The following PLCB4 variants were observed in gnomAD, a reference collection of about 807,000 sequenced individuals.
The protein encoded by PLCB4 is phospholipase C beta 4, also known as 1-phosphatidylinositol 4,5-bisphosphate phosphodiesterase beta-4.
In PLCB4, 77 loss-of-function variants were observed where a neutral mutation model predicts 178.8. The ratio of observed to expected loss-of-function variants is 0.43; its 90% CI spans 0.36 to 0.52. The LOEUF (loss-of-function observed/expected upper bound fraction) is 0.52. Among genes scored for constraint, PLCB4 ranks in the 20% least tolerant of loss-of-function variants. The probability of loss-of-function intolerance (pLI) is 0.00; values close to 1 mark genes in which losing one functional copy is unlikely to be tolerated. For synonymous variants in PLCB4, 496 were observed against 490.8 expected (o/e 1.01, Z -0.14); for missense variants, 1,024 against 1,453.4 (o/e 0.70, Z 4.80).
At chr20:9,458,494 A>T (rs1313757189) in intron 34 of PLCB4, among the ~76,000 whole-genome samples, 1 of 152,224 alleles carries the variant, frequency 6.6e-6, no homozygotes, top group Non-Finnish European at 1.5e-5. Context: ...ACTACAGTTT[A>T]TTAGGTCACA....
At chr20:9,152,857 G>A (rs2092714457) in intron 2 of PLCB4, among the ~76,000 whole-genome samples, 1 of 152,102 alleles carries the variant, frequency 6.6e-6, no homozygotes, top group Admixed American at 6.5e-5. Flanking sequence ...ATCTGGGAGG[G>A]AGGCTGTACC....
intron 13 of PLCB4, 24 bp downstream of exon 13, chr20:9,380,186 TAA>T (rs11360322): frequency 3.6e-5 from 34 of 953,126 alleles, no homozygotes; most frequent in Admixed American, 1.6e-4. Context: ...AAAAAGGACT[TAA>T]AAAAAAAAAC....
At chr20:9,421,645 G>A (rs2040645741) in intron 27 of PLCB4, among the ~76,000 whole-genome samples, 184 bp downstream of exon 27, 1 of 152,104 alleles carries the variant, frequency 6.6e-6, no homozygotes, top group Admixed American at 6.5e-5. Context: ...CCTCCTTTTG[G>A]TTCTCCTCTC....
chr20:9,375,288 T>G (rs1212434836), intron 12 of PLCB4, among the ~76,000 whole-genome samples: 1 of 152,058 alleles, frequency 6.6e-6, no homozygotes, highest in Non-Finnish European at 1.5e-5. Flanking sequence ...CAGAACAACT[T>G]CAATACTCAT....
At chr20:9,434,144 G>A (rs1022444628) in intron 28 of PLCB4, among the ~76,000 whole-genome samples, 1 of 152,130 alleles carries the variant, frequency 6.6e-6, no homozygotes, top group Non-Finnish European at 1.5e-5. Flanking sequence ...TATAATTAAT[G>A]TATTAGAGCT....
Position 9,321,781 on chromosome 20 carries a change from G to T in PLCB4, c.84+13883G>T, listed in dbSNP as rs141153131. 3.2e-4 allele frequency among the ~76,000 whole-genome samples: 48 copies of T among 151,396 alleles called. No individual in the cohort carries two copies. The East Asian group carries it at 6.8e-3, about 22-fold the overall frequency. ...CCCAAGTACCTGGGACTACAGGTGCGCACCACCATGCCCAGCTAATTTTTG... is the reference window on the plus strand; with the variant it reads ...CCCAAGTACCTGGGACTACAGGTGCTCACCACCATGCCCAGCTAATTTTTG... On this transcript the variant is annotated intron_variant, in intron 4 of 39. Transcript: ENST00000378473.
chr20:9,208,486 T>C (rs1348787685), intron 2 of PLCB4, among the ~76,000 whole-genome samples: 1 of 152,230 alleles, frequency 6.6e-6, no homozygotes, highest in Non-Finnish European at 1.5e-5. Flanking sequence ...TAATAAGCCA[T>C]GTACTAGTGG....
rs578035790 is a variant in PLCB4, at chr20:9,256,178, G to A, written c.-16+38726G>A. 2.6e-5 allele frequency among the ~76,000 whole-genome samples: 4 copies of A among 152,232 alleles called. No homozygotes were observed. The South Asian group carries it at 8.3e-4, about 32-fold the overall frequency. On this transcript the variant is annotated intron_variant, in intron 3 of 39. Transcript: ENST00000378473. ...GAGTTTTGTGAACAGCAAAGCATTG[G>A]AACACATAGCTTCTTTGTTGTCCCT...
chr20:9,359,032 A>G (rs1414574623), intron 7 of PLCB4, among the ~76,000 whole-genome samples: 2 of 152,218 alleles, frequency 1.3e-5, no homozygotes, highest in Non-Finnish European at 2.9e-5. Context: ...CCTATGAAGC[A>G]TATTTAAATA....
chr20:9,442,368 T>C (rs1314497545), intron 30 of PLCB4, among the ~76,000 whole-genome samples: 1 of 137,440 alleles, frequency 7.3e-6, no homozygotes, highest in Non-Finnish European at 1.5e-5. Flanking sequence ...TGTCCTCTTC[T>C]GTAGAGTGTG....
At chr20:9,094,608 T>C (rs1323278751) in intron 1 of PLCB4, among the ~76,000 whole-genome samples, 1 of 152,214 alleles carries the variant, frequency 6.6e-6, no homozygotes, top group African/African-American at 2.4e-5. Context: ...ATCATTACAC[T>C]GTAACAAACT....
intron 2 of PLCB4, among the ~76,000 whole-genome samples, chr20:9,135,095 G>T (rs2092355416): frequency 1.3e-5 from 2 of 152,002 alleles, no homozygotes; most frequent in South Asian, 4.2e-4. Context: ...TGTTAGGGTA[G>T]AAAGAAATGG....
chr20:9,349,609 G>T (rs1195142603), intron 7 of PLCB4, among the ~76,000 whole-genome samples: 3 of 152,098 alleles, frequency 2.0e-5, no homozygotes, highest in African/African-American at 7.2e-5. Context: ...TCTCACCACT[G>T]CATTTCATGA....
rs369250528 is a variant in PLCB4, at chr20:9,256,480, C to T, written c.-16+39028C>T. Among the ~76,000 whole-genome samples, 6 of 152,182 alleles carry T rather than the reference C, an allele frequency of 3.9e-5. No individual in the cohort carries two copies. In the South Asian group the frequency reaches 1.2e-3, roughly 31 times the overall value. ...CTCGACATTCCTCTTGTCGGCTAAA[C>T]AAGGTTACAAGGCTACTCCTAATTG... On this transcript the variant is annotated intron_variant, in intron 3 of 39. Transcript: ENST00000378473.
intron 2 of PLCB4, among the ~76,000 whole-genome samples, chr20:9,203,582 G>A (rs1216787033): frequency 2.0e-5 from 3 of 152,100 alleles, no homozygotes; most frequent in Non-Finnish European, 4.4e-5. Flanking sequence ...CTCACTCCAG[G>A]TTTCAGGAAT....
chr20:9,071,933 T>C (rs972112444), intron 1 of PLCB4, among the ~76,000 whole-genome samples: 1 of 152,210 alleles, frequency 6.6e-6, no homozygotes, highest in African/African-American at 2.4e-5. Context: ...TCTACCACAG[T>C]TGAGTCCCTG....
chr20:9,208,602 C>T (rs1032617021), intron 2 of PLCB4, among the ~76,000 whole-genome samples: 80 of 151,570 alleles, frequency 5.3e-4, no homozygotes, highest in Non-Finnish European at 4.4e-4. Flanking sequence ...TGCAGTGGTA[C>T]GATCACAGCT....
chr20:9,316,393 C>T (rs2094899298), intron 4 of PLCB4, among the ~76,000 whole-genome samples: 1 of 152,144 alleles, frequency 6.6e-6, no homozygotes, highest in South Asian at 2.1e-4. Context: ...AAGCCATTTT[C>T]AACAGGGACT....
At chr20:9,476,668 G>A (rs780506246) in intron 38 of PLCB4, 49 bp from the exon 39 acceptor site, 47 of 1,300,320 alleles carry the variant, frequency 3.6e-5, no homozygotes, top group African/African-American at 5.8e-5. Flanking sequence ...TATTTTCTTC[G>A]TTTTGTATGT....
Sources: allele counts gnomAD v4.1 joint callset (sites outside exome capture counted in the v4.1 genomes callset), GRCh38; gene constraint gnomAD v4.1.1; transcripts MANE v1.5; gene names NCBI Gene and HGNC (gene_info 2026-07-23, HGNC 2026-07-21).